The following SERPINA6 variants were observed in gnomAD, a reference collection of about 807,000 sequenced individuals.
SERPINA6 encodes the protein serpin family A member 6.
In SERPINA6, 19 loss-of-function variants were observed where a neutral mutation model predicts 26.4. That is an observed-to-expected ratio of 0.72 (90% CI 0.50 to 1.06). The LOEUF is 1.06. Among genes scored for constraint, SERPINA6 ranks in the 50% least tolerant of loss-of-function variants. The pLI, the probability that SERPINA6 is intolerant of heterozygous loss-of-function variation, is 0.00. For missense variants in SERPINA6, 473 were observed against 504.0 expected (o/e 0.94, Z 0.59); for synonymous variants, 196 against 199.4 (o/e 0.98, Z 0.14).
Position 94,305,929 on chromosome 14 carries a change from C to A in SERPINA6, c.1032+142G>T, listed in dbSNP as rs913525374. On this transcript the variant is annotated intron_variant, in intron 4 of 4. Transcript: ENST00000341584. ...AGCCTCCATTTACCTCATGGTGAGA[C>A]AAGGGGCTTTGACTCAACCTGGGGT... 1.3e-4 allele frequency: 112 copies of A among 851,146 alleles called. 2 individuals carry two copies. The African/African-American group carries it at 1.7e-3, about 13-fold the overall frequency. 52.7% of individuals were successfully genotyped at this position (851,146 alleles called of 1,614,324 possible). A position where few individuals can be genotyped will look rare whatever the true frequency, so the allele number is the denominator to read the frequency against.
chr14:94,315,910 T>C (rs1566728950), intron 1 of SERPINA6, among the ~76,000 whole-genome samples: 2 of 140,220 alleles, frequency 1.4e-5, no homozygotes, highest in African/African-American at 5.0e-5. Flanking sequence ...TTTGTGGTTA[T>C]TATGGGGATT....
chr14:94,304,454 G>T lies in SERPINA6; in HGVS notation c.1182C>A (p.Ser394Arg), dbSNP rs1270243704. The change falls in exon 5 of 5, where the codon AGC becomes AGA. Residue 394 changes from serine (S) to arginine (R), a missense_variant. Transcript: ENST00000341584. ...IIMIFDHFTW[S>R]SLFLARVMNP... ...TCATAACCCTCGCCAGGAAAAGGCTGCTCCAGGTGAAGTGGTCGAAGATCA... is the reference window on the plus strand; with the variant it reads ...TCATAACCCTCGCCAGGAAAAGGCTTCTCCAGGTGAAGTGGTCGAAGATCA... The T allele has an allele frequency of 1.2e-6, 2 of 1,614,160 alleles. No homozygotes were observed. The highest frequency in any genetic ancestry group is 2.7e-5 in the African/African-American group (2 of 75,022).
At chr14:94,316,315 C>G (rs1291902592) in intron 1 of SERPINA6, among the ~76,000 whole-genome samples, 1 of 152,138 alleles carries the variant, frequency 6.6e-6, no homozygotes, top group East Asian at 1.9e-4. Context: ...CCTATTTGCA[C>G]TTGAGAAGAA....
chr14:94,313,098 C>G (rs993621737), intron 2 of SERPINA6, among the ~76,000 whole-genome samples: 1 of 152,118 alleles, frequency 6.6e-6, no homozygotes, highest in East Asian at 1.9e-4. Context: ...AAAGTCTTTC[C>G]TGGGTGACTC....
chr14:94,320,830 C>T (rs1426318282), intron 1 of SERPINA6, among the ~76,000 whole-genome samples: 3 of 152,190 alleles, frequency 2.0e-5, no homozygotes, highest in South Asian at 2.1e-4. Context: ...GCTGCTCTAG[C>T]CCCTAGTTCT....
At chr14:94,312,915 A>G (rs28515150) in intron 2 of SERPINA6, among the ~76,000 whole-genome samples, 5,581 of 152,316 alleles carry the variant, frequency 0.037, 142 homozygotes, top group African/African-American at 0.06. Flanking sequence ...GTCGAGAGAC[A>G]CATGTTCAGT....
intron 3 of SERPINA6, among the ~76,000 whole-genome samples, chr14:94,306,781 C>A (rs972137376): frequency 2.0e-5 from 3 of 152,224 alleles, no homozygotes; most frequent in Admixed American, 2.0e-4. Flanking sequence ...CAGTTTCTAC[C>A]AGATGAAGCA....
At chr14:94,313,279 T>C (rs1895557905) in intron 2 of SERPINA6, among the ~76,000 whole-genome samples, 1 of 152,146 alleles carries the variant, frequency 6.6e-6, no homozygotes, top group Non-Finnish European at 1.5e-5. Context: ...CCCCAGAACT[T>C]GAGAATATGT....
chr14:94,314,490 G>A lies in SERPINA6; in HGVS notation c.159C>T (p.His53=), dbSNP rs1566728478. The A allele has an allele frequency of 1.2e-6, 2 of 1,614,214 alleles. No individual in the cohort carries two copies. Among genetic ancestry groups the A allele is most frequent in the Non-Finnish European group, 1.7e-6 (2 of 1,180,032 alleles). The change falls in exon 2 of 5, where the codon CAC becomes CAT. Residue 53 remains histidine (H), a synonymous_variant. Coordinates refer to ENST00000341584, the MANE Select transcript of SERPINA6 (RefSeq NM_001756.4). The part of the protein sequence containing the change: ...NVDFAFSLYK[H]LVALSPKKNI... ...TCTTTTTGGGACTCAAGGCCACTAG[G>A]TGCTTATACAGGCTGAAGGCAAAGT...
intron 2 of SERPINA6, 74 bp downstream of exon 2, chr14:94,313,962 T>C (rs1895570629): frequency 1.3e-6 from 2 of 1,533,296 alleles, no homozygotes; most frequent in African/African-American, 1.4e-5. Flanking sequence ...TGCCCAAGAG[T>C]GTGCCCTGGA....
chr14:94,317,233 G>C (rs1260889437), intron 1 of SERPINA6, among the ~76,000 whole-genome samples: 2 of 152,114 alleles, frequency 1.3e-5, no homozygotes, highest in African/African-American at 2.4e-5. Flanking sequence ...TACAAAAATT[G>C]ATCAGTGTAA....
intron 1 of SERPINA6, among the ~76,000 whole-genome samples, chr14:94,321,293 G>T (rs558401839): frequency 6.6e-6 from 1 of 152,062 alleles, no homozygotes; most frequent in South Asian, 2.1e-4. Flanking sequence ...AATTCAAGCT[G>T]ATCGGTTCTG....
At chr14:94,312,117 G>C (rs1217171003) in intron 2 of SERPINA6, among the ~76,000 whole-genome samples, 1 of 152,114 alleles carries the variant, frequency 6.6e-6, no homozygotes, top group African/African-American at 2.4e-5. Context: ...TCACGGATTC[G>C]TTTTGTTGTA....
At chr14:94,310,767 G>A (rs1895518455) in intron 2 of SERPINA6, among the ~76,000 whole-genome samples, 1 of 152,168 alleles carries the variant, frequency 6.6e-6, no homozygotes, top group African/African-American at 2.4e-5. Flanking sequence ...AGACAACTGA[G>A]TCCACCTGCA....
intron 1 of SERPINA6, among the ~76,000 whole-genome samples, chr14:94,322,134 A>T (rs981185333): frequency 1.3e-5 from 2 of 152,190 alleles, no homozygotes; most frequent in African/African-American, 4.8e-5. Context: ...CTAAGCCTAG[A>T]TGTCTGACAT....
intron 1 of SERPINA6, among the ~76,000 whole-genome samples, chr14:94,321,352 C>T (rs74077643): frequency 0.014 from 2,156 of 152,300 alleles, 48 homozygotes; most frequent in African/African-American, 0.049. Context: ...GGCTGATTCT[C>T]ACTAATGTAG....
chr14:94,308,124 C>G (rs1895469139), intron 3 of SERPINA6, among the ~76,000 whole-genome samples: 1 of 152,218 alleles, frequency 6.6e-6, no homozygotes, highest in South Asian at 2.1e-4. Context: ...GCCACTTCCC[C>G]CTGGCTGAAC....
At chr14:94,320,746 A>G (rs1263777882) in intron 1 of SERPINA6, among the ~76,000 whole-genome samples, 1 of 152,126 alleles carries the variant, frequency 6.6e-6, no homozygotes, top group Non-Finnish European at 1.5e-5. Context: ...CAAAACCCTT[A>G]GTTCTCCTGA....
intron 2 of SERPINA6, 38 bp downstream of exon 2, chr14:94,313,998 T>C: frequency 1.2e-6 from 2 of 1,612,306 alleles, no homozygotes; most frequent in Non-Finnish European, 1.7e-6. Context: ...TTCCTGGCCA[T>C]AGTGGATGGG....
Sources: gnomAD v4.1 joint callset for allele counts (sites outside exome capture counted in the v4.1 genomes callset) on GRCh38, gnomAD v4.1.1 for gene constraint, MANE v1.5 for transcripts, NCBI Gene and HGNC (gene_info 2026-07-23, HGNC 2026-07-21) for gene names.